TEAD1: variants seen among roughly 807,000 people sequenced by gnomAD.
The protein encoded by TEAD1 is transcriptional enhancer factor TEF-1.
TEAD1 carries 9 observed loss-of-function variants against 54.9 expected under a neutral mutation model. The observed-to-expected ratio is 0.16, with a 90% confidence interval of 0.10 to 0.29. The LOEUF is 0.29. Ranked by LOEUF, TEAD1 falls within the 10% of genes least tolerant of loss-of-function variation. The pLI is 1.00. For missense variants in TEAD1, 387 were observed against 535.9 expected (o/e 0.72, Z 2.74); for synonymous variants, 200 against 187.8 (o/e 1.07, Z -0.53).
intron 2 of TEAD1, among the ~76,000 whole-genome samples, chr11:12,703,696 T>C (rs1232882349): frequency 6.6e-6 from 1 of 152,182 alleles, no homozygotes; most frequent in Non-Finnish European, 1.5e-5. Flanking sequence ...TAATAGACCC[T>C]CAGGATATAT....
At chr11:12,723,036 T>G (rs1944243867) in intron 2 of TEAD1, among the ~76,000 whole-genome samples, 1 of 152,182 alleles carries the variant, frequency 6.6e-6, no homozygotes, top group Non-Finnish European at 1.5e-5. Context: ...GCCTTGTGCT[T>G]ATTGTGGATT....
intron 3 of TEAD1, among the ~76,000 whole-genome samples, chr11:12,790,059 T>C (rs1250480490): frequency 1.3e-5 from 2 of 152,268 alleles, no homozygotes; most frequent in South Asian, 2.1e-4. Context: ...TCATTACCTC[T>C]GTAGGGCTGT....
chr11:12,916,957 G>T (rs1337197871), intron 10 of TEAD1, among the ~76,000 whole-genome samples: 1 of 152,186 alleles, frequency 6.6e-6, no homozygotes, highest in African/African-American at 2.4e-5. Context: ...CGAAGTTCTG[G>T]ATGGAAGTTA....
chr11:12,909,808 A>C (rs927558412), intron 10 of TEAD1, among the ~76,000 whole-genome samples: 1 of 152,204 alleles, frequency 6.6e-6, no homozygotes, highest in African/African-American at 2.4e-5. Context: ...GTTGAATTTT[A>C]GCTTAAATTT....
At chr11:12,912,141 C>T (rs182336800) in intron 10 of TEAD1, among the ~76,000 whole-genome samples, 6 of 152,214 alleles carry the variant, frequency 3.9e-5, no homozygotes. Context: ...CACTTGAAAG[C>T]TTTTCTGGGC....
chr11:12,869,934 C>T (rs896949639), intron 5 of TEAD1, among the ~76,000 whole-genome samples: 7 of 151,962 alleles, frequency 4.6e-5, no homozygotes, highest in Non-Finnish European at 1.0e-4. Flanking sequence ...GGCGGGAGTG[C>T]AGTGGCGCCA....
intron 2 of TEAD1, among the ~76,000 whole-genome samples, chr11:12,742,409 G>C (rs1944666060): frequency 6.6e-6 from 1 of 152,152 alleles, no homozygotes; most frequent in Admixed American, 6.5e-5. Context: ...AAGTAGAGTA[G>C]AATGGTGGTT....
intron 2 of TEAD1, among the ~76,000 whole-genome samples, chr11:12,721,663 G>T (rs534923321): frequency 6.6e-6 from 1 of 152,228 alleles, no homozygotes; most frequent in Non-Finnish European, 1.5e-5. Context: ...TGTGAAATTG[G>T]ATAACGTCTG....
chr11:12,778,862 C>T (rs1564936732), intron 3 of TEAD1, among the ~76,000 whole-genome samples: 2 of 152,074 alleles, frequency 1.3e-5, no homozygotes, highest in African/African-American at 4.8e-5. Context: ...ATTGTTTTAT[C>T]TTGAGAAACC....
At chr11:12,910,863 C>T (rs1429535155) in intron 10 of TEAD1, among the ~76,000 whole-genome samples, 1 of 151,378 alleles carries the variant, frequency 6.6e-6, no homozygotes, top group Non-Finnish European at 1.5e-5. Context: ...TCTCCTGCCT[C>T]AGCCTCCCGA....
chr11:12,788,185 G>A (rs913089797), intron 3 of TEAD1, among the ~76,000 whole-genome samples: 2 of 148,896 alleles, frequency 1.3e-5, no homozygotes, highest in African/African-American at 5.0e-5. Flanking sequence ...TACTCAGGCT[G>A]GAGTGCAGTG....
At chr11:12,732,619 T>G (rs1459738268) in intron 2 of TEAD1, among the ~76,000 whole-genome samples, 1 of 152,180 alleles carries the variant, frequency 6.6e-6, no homozygotes, top group Non-Finnish European at 1.5e-5. Flanking sequence ...CTCAGTTGAC[T>G]GGAGGCTTGA....
rs557635289 is a variant in TEAD1, at chr11:12,697,146, C to A, written c.-55+21585C>A. Among the ~76,000 whole-genome samples the A allele has an allele frequency of 4.9e-4, 75 of 152,258 alleles. 1 individual carries two copies. Among genetic ancestry groups the A allele is most frequent in the Admixed American group, 3.5e-3 (54 of 15,294 alleles). On this transcript the variant is annotated intron_variant, in intron 2 of 12. Transcript: ENST00000527636. ...GTGTCATTAGACCTGAGTGTCCTGC[C>A]TGGTGGTACCACCCCTCCCTGCCCG...
At chr11:12,722,938 A>T (rs1230136755) in intron 2 of TEAD1, among the ~76,000 whole-genome samples, 1 of 151,966 alleles carries the variant, frequency 6.6e-6, no homozygotes, top group Non-Finnish European at 1.5e-5. Flanking sequence ...CACAGGCTGA[A>T]TTTACTTAAC....
At chr11:12,689,713 G>A (rs1217292092) in intron 2 of TEAD1, among the ~76,000 whole-genome samples, 1 of 152,020 alleles carries the variant, frequency 6.6e-6, no homozygotes, top group Non-Finnish European at 1.5e-5. Flanking sequence ...CTTTGGGAAA[G>A]TTTAGTACAG....
At chr11:12,858,550 C>T (rs949864557) in intron 3 of TEAD1, among the ~76,000 whole-genome samples, 2 of 152,128 alleles carry the variant, frequency 1.3e-5, no homozygotes, top group African/African-American at 4.8e-5. Flanking sequence ...GTTTCTAAGA[C>T]TTGTTTAAGG....
chr11:12,836,861 C>T (rs942580154), intron 3 of TEAD1, among the ~76,000 whole-genome samples: 3 of 152,096 alleles, frequency 2.0e-5, no homozygotes, highest in African/African-American at 7.2e-5. Flanking sequence ...TTTGTCATAA[C>T]AAGAAAAAGC....
At chr11:12,816,415 G>T (rs557733916) in intron 3 of TEAD1, among the ~76,000 whole-genome samples, 1 of 152,152 alleles carries the variant, frequency 6.6e-6, no homozygotes, top group Non-Finnish European at 1.5e-5. Context: ...CTTTTCTTCT[G>T]CACGCTCTTT....
chr11:12,874,886 C>T (rs1947824447), intron 5 of TEAD1, among the ~76,000 whole-genome samples: 1 of 152,162 alleles, frequency 6.6e-6, no homozygotes, highest in Non-Finnish European at 1.5e-5. Context: ...CTTTTTATGT[C>T]CTCATTCTTT....
Sources: gnomAD v4.1 joint callset for allele counts (sites outside exome capture counted in the v4.1 genomes callset) on GRCh38, gnomAD v4.1.1 for gene constraint, MANE v1.5 for transcripts, NCBI Gene and HGNC (gene_info 2026-07-23, HGNC 2026-07-21) for gene names.